Variants in COPS3 observed in about 807,000 individuals in gnomAD.
The protein encoded by COPS3 is COP9 signalosome subunit 3, also known as COP9 signalosome complex subunit 3.
Under a neutral mutation model 58.2 loss-of-function variants are expected in COPS3, and 10 were observed. The ratio of observed to expected loss-of-function variants is 0.17; its 90% confidence interval spans 0.11 to 0.29. COPS3 has a LOEUF of 0.29. COPS3 is among the 10% of genes least tolerant of loss of function. The pLI is 1.00. For missense variants in COPS3, 333 were observed against 510.1 expected (o/e 0.65, Z 3.34); for synonymous variants, 187 against 181.7 (o/e 1.03, Z -0.24).
At position 17,260,465 on chromosome 17, in the gene COPS3, T is replaced by G; in HGVS notation, c.772A>C (p.Asn258His). The G allele has an allele frequency of 6.2e-7, 1 of 1,614,118 alleles. No homozygotes were observed. The highest frequency in any genetic ancestry group is 8.5e-7 in the Non-Finnish European group (1 of 1,179,990). Residue 258 changes from asparagine to histidine, a missense_variant, in exon 8 of 12, where the codon AAT becomes CAT. Coordinates refer to ENST00000268717, the MANE Select transcript of COPS3 (RefSeq NM_003653.4). Reference protein sequence around the residue: ...IVGRFIKPLSNAYHELAQVYS... With the variant: ...IVGRFIKPLSHAYHELAQVYS... The stretch of plus-strand genomic sequence containing the variant: ...ACTTGTGCTAACTCGTGGTATGCAT[T>G]GCTAAGAGGCTAAAGATGCAAAGGA...
chr17:17,275,562 G>C (rs567297610), intron 2 of COPS3, among the ~76,000 whole-genome samples: 2 of 152,126 alleles, frequency 1.3e-5, no homozygotes, highest in East Asian at 3.8e-4. Flanking sequence ...TCAATAAACT[G>C]TAACTGCCAT....
At chr17:17,271,851 T>TAG (rs1254707839) in intron 2 of COPS3, among the ~76,000 whole-genome samples, 48 of 142,962 alleles carry the variant, frequency 3.4e-4, no homozygotes, top group East Asian at 1.2e-3. Context: ...TATATATATA[T>TAG]ATATATACAC....
chr17:17,278,395 T>G (rs774312922), intron 1 of COPS3, among the ~76,000 whole-genome samples: 6 of 152,338 alleles, frequency 3.9e-5, no homozygotes, highest in Non-Finnish European at 7.3e-5. Context: ...TGACTATAGC[T>G]AGGTACTTTT....
At chr17:17,279,369 C>T (rs1457925444) in intron 1 of COPS3, among the ~76,000 whole-genome samples, 3 of 152,098 alleles carry the variant, frequency 2.0e-5, no homozygotes, top group Non-Finnish European at 2.9e-5. Context: ...GAAGTGACCG[C>T]GACAGGATTT....
chr17:17,273,561 A>G (rs1393694276), intron 2 of COPS3, among the ~76,000 whole-genome samples: 1 of 152,118 alleles, frequency 6.6e-6, no homozygotes, highest in Non-Finnish European at 1.5e-5. Context: ...TCTACAGAAA[A>G]AAAAAGTGGC....
intron 7 of COPS3, chr17:17,261,585 C>A: frequency 2.7e-6 from 1 of 375,806 alleles, no homozygotes; most frequent in Non-Finnish European, 5.1e-6. Context: ...AAAGGCCAGG[C>A]TCAGTGGCAC....
In COPS3 at chr17:17,270,939, G is replaced by A. The variant is rs1172926968; in HGVS notation, c.255C>T (p.Ile85=). Residue 85 remains isoleucine, a synonymous_variant, in exon 3 of 12, where the codon ATC becomes ATT. Transcript: ENST00000268717. ...ETLFSQVQLF[I]STCNGEHIRY... ...GAATGTGCTCCCCATTACAAGTGCT[G>A]ATGAAGAGCTGAACCTGTGAGAATA... The A allele has an allele frequency of 2.5e-6, 4 of 1,613,904 alleles. No homozygotes were observed. Among genetic ancestry groups the A allele is most frequent in the African/African-American group, 1.3e-5 (1 of 74,876 alleles).
At chr17:17,274,342 A>G (rs916246659) in intron 2 of COPS3, among the ~76,000 whole-genome samples, 1 of 152,188 alleles carries the variant, frequency 6.6e-6, no homozygotes. Flanking sequence ...ATACAGATGT[A>G]TGGTGACATT....
At chr17:17,253,785 C>T (rs2047900936) in intron 9 of COPS3, among the ~76,000 whole-genome samples, 1 of 152,132 alleles carries the variant, frequency 6.6e-6, no homozygotes, top group African/African-American at 2.4e-5. Flanking sequence ...TACCTTATAC[C>T]TCTTTGTATA....
At chr17:17,280,888 G>T in intron 1 of COPS3, 2 of 997,930 alleles carry the variant, frequency 2.0e-6, no homozygotes, top group Non-Finnish European at 2.8e-6. Flanking sequence ...CAGGCCGGGG[G>T]GAGGGGGCTC....
intron 1 of COPS3, 86 bp downstream of exon 1, chr17:17,281,046 T>A (rs908619859): frequency 3.5e-6 from 5 of 1,439,190 alleles, no homozygotes; most frequent in Non-Finnish European, 9.6e-7. Context: ...CTAAAAGGGC[T>A]GTTCCAGCCG....
In COPS3 at chr17:17,262,089, G is replaced by C; in HGVS notation, c.639C>G (p.Ala213=). 6.2e-7 allele frequency: 1 copy of C among 1,610,236 alleles called. No homozygotes were observed. The highest frequency in any genetic ancestry group is 8.5e-7 in the Non-Finnish European group (1 of 1,178,988). ...YFYEQAITTP[A]MAVSHIMLES... The stretch of plus-strand genomic sequence containing the variant: ...CCAACATGATATGACTGACCGCCAT[G>C]GCAGGAGTAGTTATAGCCTAGGCAA... Residue 213 remains alanine, a synonymous_variant, in exon 7 of 12, where the codon GCC becomes GCG. Coordinates refer to ENST00000268717, the MANE Select transcript of COPS3 (RefSeq NM_003653.4).
chr17:17,266,660 G>A (rs2048228632), intron 5 of COPS3, among the ~76,000 whole-genome samples: 1 of 151,972 alleles, frequency 6.6e-6, no homozygotes, highest in Admixed American at 6.6e-5. Context: ...TTAGCCGGGT[G>A]TAGTGGTGCA....
At chr17:17,261,714 A>G in intron 7 of COPS3, 1 of 453,956 alleles carries the variant, frequency 2.2e-6, no homozygotes, top group Non-Finnish European at 4.0e-6. Flanking sequence ...AAAAAAAATC[A>G]ACTGTTATAG....
At chr17:17,258,322 G>A (rs1420572825) in intron 8 of COPS3, among the ~76,000 whole-genome samples, 1 of 152,008 alleles carries the variant, frequency 6.6e-6, no homozygotes, top group Non-Finnish European at 1.5e-5. Context: ...TTTTTGAGAC[G>A]GAGTCTCACT....
At chr17:17,272,635 C>G (rs1314286448) in intron 2 of COPS3, among the ~76,000 whole-genome samples, 1 of 152,174 alleles carries the variant, frequency 6.6e-6, no homozygotes, top group Admixed American at 6.5e-5. Context: ...TGGCTGGGCA[C>G]AGTTGCTCAT....
chr17:17,280,908 C>G (rs903687713), intron 1 of COPS3: 29 of 926,556 alleles, frequency 3.1e-5, no homozygotes, highest in Admixed American at 1.6e-4. Flanking sequence ...CCCGGCGGCC[C>G]GAGGGAGGGG....
intron 5 of COPS3, among the ~76,000 whole-genome samples, chr17:17,265,401 C>CTTT (rs34164209): frequency 7.0e-6 from 1 of 142,044 alleles, no homozygotes; most frequent in Non-Finnish European, 1.5e-5. Flanking sequence ...ACAGCATTAC[C>CTTT]TTTTTTTTTT....
chr17:17,265,641 C>T (rs1402468301), intron 5 of COPS3, among the ~76,000 whole-genome samples: 2 of 152,126 alleles, frequency 1.3e-5, no homozygotes, highest in Non-Finnish European at 2.9e-5. Flanking sequence ...TCAAGTGATC[C>T]GTCCACCTTG....
Sources: gnomAD v4.1 joint callset for allele counts (sites outside exome capture counted in the v4.1 genomes callset) on GRCh38, gnomAD v4.1.1 for gene constraint, MANE v1.5 for transcripts, NCBI Gene and HGNC (gene_info 2026-07-23, HGNC 2026-07-21) for gene names.